Variants in MRPS35 observed in about 807,000 individuals in gnomAD.
MRPS35 encodes the protein small ribosomal subunit protein mS35.
A neutral mutation model predicts 32.7 loss-of-function variants in MRPS35; 29 were observed. That is an observed-to-expected ratio of 0.89 (90% CI 0.66 to 1.21). The LOEUF (loss-of-function observed/expected upper bound fraction) is 1.21. Among genes scored for constraint, MRPS35 ranks in the 50% most tolerant of loss-of-function variants. The probability of loss-of-function intolerance (pLI) is 0.00; values close to 1 mark genes in which losing one functional copy is unlikely to be tolerated. For missense variants in MRPS35, 373 were observed against 383.8 expected (o/e 0.97, Z 0.23); for synonymous variants, 148 against 139.3 (o/e 1.06, Z -0.44).
chr12:27,716,186 G>A lies in MRPS35; in HGVS notation c.154-105G>A, dbSNP rs1173874686. The A allele has an allele frequency of 5.4e-6, 6 of 1,102,630 alleles. No homozygotes were observed. In the East Asian group the frequency reaches 1.1e-4, roughly 20 times the overall value. 68.3% of individuals were successfully genotyped at this position (1,102,630 alleles called of 1,614,324 possible). A position where few individuals can be genotyped will look rare whatever the true frequency, so the allele number is the denominator to read the frequency against. On this transcript the variant is annotated intron_variant, in intron 2 of 7. Transcript: ENST00000081029. Reference sequence around the variant, plus strand: ...CAGATTTTACATATGTTGCAATTTTGCTTCTATTTCTTGTAATTGTAGCTT... The same window carrying A: ...CAGATTTTACATATGTTGCAATTTTACTTCTATTTCTTGTAATTGTAGCTT...
At chr12:27,719,891 G>T (rs373978933) in intron 4 of MRPS35, 23 bp downstream of exon 4, 2 of 1,489,374 alleles carry the variant, frequency 1.3e-6, no homozygotes, top group East Asian at 4.5e-5. Flanking sequence ...TTTCTTATAT[G>T]AATTTTATAT....
chr12:27,734,452 G>A (rs1185751419), intron 5 of MRPS35, among the ~76,000 whole-genome samples: 2 of 152,010 alleles, frequency 1.3e-5, no homozygotes, highest in Non-Finnish European at 2.9e-5. Context: ...TGTTGGTCAG[G>A]CTGGTCTTGA....
At chr12:27,711,032 G>A (rs1237333558) in intron 1 of MRPS35, 77 bp downstream of exon 1, 2 of 1,396,424 alleles carry the variant, frequency 1.4e-6, no homozygotes, top group Non-Finnish European at 2.0e-6. Flanking sequence ...AGGGTGCCGC[G>A]GTGGCTGAGC....
Position 27,751,909 on chromosome 12 carries a change from C to T in MRPS35, c.703-3272C>T, listed in dbSNP as rs559091936. Among the ~76,000 whole-genome samples the T allele has an allele frequency of 2.0e-5, 3 of 152,322 alleles. No individual in the cohort carries two copies. The East Asian group carries it at 5.8e-4, about 29-fold the overall frequency. On this transcript the variant is annotated intron_variant, in intron 7 of 7. Transcript: ENST00000081029. ...AGGCCTGGATATCCACCTTGGCCTA[C>T]CTCCATGTACCTTTTCATGTGATTA...
In MRPS35 at chr12:27,710,937, G is replaced by C. The variant is rs2061817148; in HGVS notation, c.94G>C (p.Val32Leu). ...FSTAVYSATP[V>L]PTPSLPERTP... ...CACTGCCGTCTACTCGGCCACTCCG[G>C]TCCCGACACCTAGCCTGCGTGAGTG... The change falls in exon 1 of 8, where the codon GTC becomes CTC. Residue 32 changes from valine to leucine, a missense_variant. Coordinates refer to ENST00000081029, the MANE Select transcript of MRPS35 (RefSeq NM_021821.4). The C allele has an allele frequency of 6.2e-7, 1 of 1,613,094 alleles. No individual in the cohort carries two copies. Among genetic ancestry groups the C allele is most frequent in the African/African-American group, 1.3e-5 (1 of 74,940 alleles).
At chr12:27,745,494 AC>A (rs1436278947) in intron 7 of MRPS35, among the ~76,000 whole-genome samples, 1 of 152,156 alleles carries the variant, frequency 6.6e-6, no homozygotes, top group East Asian at 1.9e-4. Flanking sequence ...AAAATGAACA[AC>A]TGACTAATTG....
chr12:27,737,954 TTTAAA>T (rs2061949011), intron 7 of MRPS35, among the ~76,000 whole-genome samples: 1 of 152,356 alleles, frequency 6.6e-6, no homozygotes, highest in African/African-American at 2.4e-5. Context: ...ATTCATCCTC[TTTAAA>T]TAAACTGCAG....
At chr12:27,718,311 C>A (rs1422614928) in intron 3 of MRPS35, among the ~76,000 whole-genome samples, 1 of 152,302 alleles carries the variant, frequency 6.6e-6, no homozygotes, top group South Asian at 2.1e-4. Context: ...CCTGTAATCC[C>A]AGCTACTTGG....
At chr12:27,716,487 A>AG in intron 3 of MRPS35, 29 bp downstream of exon 3, 1 of 1,610,992 alleles carries the variant, frequency 6.2e-7, no homozygotes. Context: ...TCATTGGCTC[A>AG]GACTTACATA....
chr12:27,754,384 CA>C (rs1230177041), intron 7 of MRPS35, among the ~76,000 whole-genome samples: 1 of 152,082 alleles, frequency 6.6e-6, no homozygotes, highest in African/African-American at 2.4e-5. Context: ...AAGTATATCA[CA>C]GAAATAAATA....
intron 7 of MRPS35, among the ~76,000 whole-genome samples, chr12:27,743,151 A>G (rs1230433278): frequency 2.0e-5 from 3 of 151,930 alleles, no homozygotes; most frequent in Admixed American, 2.0e-4. Context: ...GTGAGCCACC[A>G]CATCCAGCCC....
intron 7 of MRPS35, 110 bp from the exon 8 acceptor site, chr12:27,755,071 C>A: frequency 7.7e-7 from 1 of 1,296,136 alleles, no homozygotes; most frequent in Non-Finnish European, 1.0e-6. Context: ...AACTTCTCTT[C>A]CCTTAAAAAG....
At chr12:27,753,556 A>C (rs1697064524) in intron 7 of MRPS35, among the ~76,000 whole-genome samples, 1 of 152,142 alleles carries the variant, frequency 6.6e-6, no homozygotes, top group South Asian at 2.1e-4. Context: ...CTCAAGCTGG[A>C]ATCTCTTTGA....
At position 27,755,445 on chromosome 12, in the gene MRPS35, A is replaced by T. The variant is rs2062022851; in HGVS notation, c.967A>T (p.Thr323Ser). 6.4e-7 allele frequency: 1 copy of T among 1,557,280 alleles called. No homozygotes were observed. Among genetic ancestry groups the T allele is most frequent in the Non-Finnish European group, 8.6e-7 (1 of 1,160,854 alleles). The change falls in exon 8 of 8, where the codon ACA (threonine) becomes TCA (serine). Residue 323 changes from threonine (T) to serine (S), a missense_variant. Physicochemically the swap from Thr to Ser is moderately conservative, Grantham distance 58. Transcript: ENST00000081029. ...ATCCGTGAAGAGACTATTAAATGTG[A>T]CATGAATTATGGAGTAGAAAAATCT... ...KESVKRLLNV[T>S]
intron 5 of MRPS35, 91 bp downstream of exon 5, chr12:27,724,277 G>C: frequency 8.3e-7 from 1 of 1,211,186 alleles, no homozygotes; most frequent in Non-Finnish European, 1.1e-6. Context: ...AGTGGCTCAT[G>C]CCTGTAATCC....
chr12:27,736,093 C>G (rs2061942240), intron 6 of MRPS35, among the ~76,000 whole-genome samples: 1 of 152,234 alleles, frequency 6.6e-6, no homozygotes, highest in Admixed American at 6.5e-5. Flanking sequence ...TATGTTTTCA[C>G]TAAATGGCTA....
chr12:27,723,951 G>T (rs976159605), intron 4 of MRPS35, 96 bp from the exon 5 acceptor site: 3 of 1,189,078 alleles, frequency 2.5e-6, no homozygotes, highest in Admixed American at 2.7e-5. Flanking sequence ...ATGTAACTTG[G>T]TGATGCTCTC....
At chr12:27,727,386 T>A (rs1277192507) in intron 5 of MRPS35, among the ~76,000 whole-genome samples, 1 of 152,142 alleles carries the variant, frequency 6.6e-6, no homozygotes, top group Non-Finnish European at 1.5e-5. Context: ...CACTGCACTT[T>A]TTCTATGTTT....
At chr12:27,723,748 C>T (rs750505285) in intron 4 of MRPS35, among the ~76,000 whole-genome samples, 1 of 152,196 alleles carries the variant, frequency 6.6e-6, no homozygotes, top group South Asian at 2.1e-4. Flanking sequence ...TGTCCAGTAA[C>T]AGATATGTGC....
Sources: gnomAD v4.1 joint callset for allele counts (sites outside exome capture counted in the v4.1 genomes callset) on GRCh38, gnomAD v4.1.1 for gene constraint, MANE v1.5 for transcripts, NCBI Gene and HGNC (gene_info 2026-07-23, HGNC 2026-07-21) for gene names.